ABCB5: variants seen among roughly 807,000 people sequenced by gnomAD.
The protein encoded by ABCB5 is ATP-binding cassette sub-family B member 5.
A neutral mutation model predicts 144.2 loss-of-function variants in ABCB5; 155 were observed. That is an observed-to-expected ratio of 1.08 (90% CI 0.94 to 1.23). The LOEUF (loss-of-function observed/expected upper bound fraction) is 1.23. Among genes scored for constraint, ABCB5 ranks in the 50% most tolerant of loss-of-function variants. ABCB5 has a pLI of 0.00. For synonymous variants in ABCB5, 610 were observed against 528.6 expected (o/e 1.15, Z -2.11); for missense variants, 1,830 against 1,520.8 (o/e 1.20, Z -3.38).
intron 27 of ABCB5, among the ~76,000 whole-genome samples, chr7:20,754,812 C>T (rs1264509466): frequency 6.6e-6 from 1 of 152,110 alleles, no homozygotes; most frequent in African/African-American, 2.4e-5. Context: ...AGTAGAAATA[C>T]TACTATAATT....
intron 1 of ABCB5, among the ~76,000 whole-genome samples, chr7:20,622,418 T>C (rs998315557): frequency 1.3e-5 from 2 of 152,126 alleles, no homozygotes; most frequent in Admixed American, 6.6e-5. Flanking sequence ...TATGCCTTCC[T>C]CCTTGGTGCT....
At chr7:20,704,235 C>G (rs1274930701) in intron 19 of ABCB5, among the ~76,000 whole-genome samples, 1 of 151,870 alleles carries the variant, frequency 6.6e-6, no homozygotes, top group African/African-American at 2.4e-5. Flanking sequence ...CACCACCATG[C>G]CCAGCTAATG....
chr7:20,717,641 G>C (rs1781719015), intron 20 of ABCB5, among the ~76,000 whole-genome samples: 1 of 151,646 alleles, frequency 6.6e-6, no homozygotes, highest in Non-Finnish European at 1.5e-5. Context: ...GTTTCACCAT[G>C]TTGATAAGGC....
rs1449197391 is a variant in ABCB5, at chr7:20,628,794, T to A, written c.215T>A (p.Met72Lys). Residue 72 changes from methionine to lysine, a missense_variant, in exon 4 of 28, where the codon ATG becomes AAG. Coordinates refer to ENST00000404938, the MANE Select transcript of ABCB5 (RefSeq NM_001163941.2). ...TTAATGCCACTGGTTTTAGGAGAAATGAGTGATAACCTTATTAGTGGATGT... is the reference window on the plus strand; with the variant it reads ...TTAATGCCACTGGTTTTAGGAGAAAAGAGTGATAACCTTATTAGTGGATGT... Reference protein sequence around the residue: ...LPLMPLVLGEMSDNLISGCLV... With the variant: ...LPLMPLVLGEKSDNLISGCLV... 6.2e-6 allele frequency: 10 copies of A among 1,613,790 alleles called. No homozygotes were observed. The highest frequency in any genetic ancestry group is 3.3e-4 in the Middle Eastern group (2 of 6,056).
At chr7:20,624,576 T>G (rs1783867475) in intron 2 of ABCB5, among the ~76,000 whole-genome samples, 1 of 152,144 alleles carries the variant, frequency 6.6e-6, no homozygotes, top group Admixed American at 6.6e-5. Context: ...GAATTGAAGG[T>G]AGGGGTTGGA....
chr7:20,752,737 C>A (rs1166998550), intron 26 of ABCB5, among the ~76,000 whole-genome samples: 3 of 152,148 alleles, frequency 2.0e-5, no homozygotes, highest in Non-Finnish European at 4.4e-5. Context: ...ATCCCAGCTA[C>A]TTGGGAGGCT....
chr7:20,747,545 C>A (rs1007995881), intron 26 of ABCB5, among the ~76,000 whole-genome samples: 26 of 152,192 alleles, frequency 1.7e-4, no homozygotes, highest in African/African-American at 6.0e-4. Context: ...AGGCATAAGC[C>A]ACCACATCTG....
At chr7:20,717,432 TTCC>T (rs1781710563) in intron 20 of ABCB5, among the ~76,000 whole-genome samples, 1 of 147,454 alleles carries the variant, frequency 6.8e-6, no homozygotes, top group African/African-American at 2.6e-5. Context: ...GTGTCCAGAT[TTCC>T]TCTTTTTTTT....
intron 2 of ABCB5, among the ~76,000 whole-genome samples, chr7:20,623,671 C>T (rs1445514807): frequency 3.3e-5 from 5 of 152,128 alleles, no homozygotes; most frequent in Admixed American, 1.3e-4. Context: ...CTCTGTGGAC[C>T]CTTCATTCCA....
At chr7:20,672,745 T>C (rs1465606413) in intron 14 of ABCB5, among the ~76,000 whole-genome samples, 1 of 152,196 alleles carries the variant, frequency 6.6e-6, no homozygotes, top group East Asian at 1.9e-4. Flanking sequence ...GTTTTGCATA[T>C]AGACTTCCAG....
intron 20 of ABCB5, among the ~76,000 whole-genome samples, chr7:20,705,990 T>C (rs2128044801): frequency 6.6e-6 from 1 of 152,274 alleles, no homozygotes; most frequent in African/African-American, 2.4e-5. Flanking sequence ...TCTTCATCTC[T>C]TCCTGAAATT....
chr7:20,713,503 T>C (rs1781568503), intron 20 of ABCB5, among the ~76,000 whole-genome samples: 1 of 149,896 alleles, frequency 6.7e-6, no homozygotes, highest in Admixed American at 6.7e-5. Context: ...CCCAAAGTGC[T>C]GGGATTACAG....
intron 19 of ABCB5, among the ~76,000 whole-genome samples, chr7:20,702,378 A>G (rs1786657745): frequency 6.6e-6 from 1 of 152,144 alleles, no homozygotes; most frequent in Non-Finnish European, 1.5e-5. Flanking sequence ...GGGCTTCAAA[A>G]TTTACCTAAG....
chr7:20,738,405 C>T (rs1782457081), intron 23 of ABCB5, among the ~76,000 whole-genome samples: 1 of 152,118 alleles, frequency 6.6e-6, no homozygotes, highest in South Asian at 2.1e-4. Context: ...CAATAACAAA[C>T]CTAAAAGATC....
chr7:20,742,967 A>C lies in ABCB5; in HGVS notation c.3115A>C (p.Ser1039Arg), dbSNP rs781703310. ...TTTCATCCTCCGTGGCTTATCCCTC[A>C]GTATTGAGCGAGGAAAGACAGTAGC... The part of the protein sequence containing the change: ...DVFILRGLSL[S>R]IERGKTVAFV... Residue 1039 changes from serine (S) to arginine (R), a missense_variant, in exon 25 of 28, where the codon AGT becomes CGT. By Grantham distance (110) the Ser-to-Arg change is moderately radical. Coordinates refer to ENST00000404938, the MANE Select transcript of ABCB5 (RefSeq NM_001163941.2). The C allele has an allele frequency of 6.2e-7, 1 of 1,614,142 alleles. No individual in the cohort carries two copies. The highest frequency in any genetic ancestry group is 8.5e-7 in the Non-Finnish European group (1 of 1,180,026).
intron 20 of ABCB5, among the ~76,000 whole-genome samples, chr7:20,711,806 T>C (rs373351751): frequency 0.19 from 7,181 of 37,524 alleles, 1,206 homozygotes; most frequent in East Asian, 0.54. Context: ...CTTTCTTTCT[T>C]TCTTTCTTTC....
intron 24 of ABCB5, among the ~76,000 whole-genome samples, chr7:20,741,126 G>C (rs6968883): frequency 6.7e-6 from 1 of 148,340 alleles, no homozygotes; most frequent in African/African-American, 2.5e-5. Context: ...AAAAATTAAA[G>C]TCTGGTCAAA....
At chr7:20,746,825 T>G (rs1217963089) in intron 26 of ABCB5, among the ~76,000 whole-genome samples, 1 of 152,202 alleles carries the variant, frequency 6.6e-6, no homozygotes, top group Non-Finnish European at 1.5e-5. Flanking sequence ...ATAGAGATAT[T>G]TTCATGTAGG....
intron 20 of ABCB5, among the ~76,000 whole-genome samples, chr7:20,715,442 ACT>A (rs1262098403): frequency 1.3e-5 from 2 of 151,770 alleles, no homozygotes; most frequent in African/African-American, 4.8e-5. Context: ...ACAGGGTCTC[ACT>A]CTGTCACCCA....
Sources: gnomAD v4.1 joint callset for allele counts (sites outside exome capture counted in the v4.1 genomes callset) on GRCh38, gnomAD v4.1.1 for gene constraint, MANE v1.5 for transcripts, NCBI Gene and HGNC (gene_info 2026-07-23, HGNC 2026-07-21) for gene names.